AUTS2: variants seen among roughly 807,000 people sequenced by gnomAD.
AUTS2 encodes the protein activator of transcription and developmental regulator AUTS2.
In AUTS2, 17 loss-of-function variants were observed where a neutral mutation model predicts 112.4. The observed-to-expected ratio is 0.15, with a 90% CI of 0.10 to 0.23. AUTS2 has a LOEUF of 0.23. Ranked by LOEUF, AUTS2 falls within the 10% of genes least tolerant of loss-of-function variation. AUTS2 has a pLI of 1.00. For missense variants in AUTS2, 1,510 were observed against 1,701.6 expected (o/e 0.89, Z 1.98); for synonymous variants, 751 against 702.7 (o/e 1.07, Z -1.09).
chr7:70,139,796 C>T (rs1012070749), intron 4 of AUTS2, among the ~76,000 whole-genome samples: 5 of 151,984 alleles, frequency 3.3e-5, no homozygotes, highest in Admixed American at 2.6e-4. Context: ...GTCAGGAGTT[C>T]GAGACCAGCC....
At chr7:70,425,890 A>G (rs1052997056) in intron 4 of AUTS2, among the ~76,000 whole-genome samples, 2 of 152,214 alleles carry the variant, frequency 1.3e-5, no homozygotes, top group Admixed American at 6.5e-5. Context: ...ATTGCTTCCT[A>G]TGTATCAGGC....
chr7:70,109,863 G>A (rs1262844834), intron 2 of AUTS2, among the ~76,000 whole-genome samples: 1 of 152,132 alleles, frequency 6.6e-6, no homozygotes, highest in Non-Finnish European at 1.5e-5. Flanking sequence ...CCATTCAGAT[G>A]GTGAGGGGGC....
Position 70,340,830 on chromosome 7 carries a change from G to A in AUTS2, c.661-94922G>A, listed in dbSNP as rs967123254. Among the ~76,000 whole-genome samples, 11 of 152,334 alleles carry A rather than the reference G, an allele frequency of 7.2e-5. No individual in the cohort carries two copies. The East Asian group carries it at 1.3e-3, about 19-fold the overall frequency. On this transcript the variant is annotated intron_variant, in intron 4 of 18. Coordinates refer to ENST00000342771, the MANE Select transcript of AUTS2 (RefSeq NM_015570.4). The stretch of plus-strand genomic sequence containing the variant: ...ATTTCGCAGCATGCAGGATTTTGGC[G>A]CCTGCCAAGGGGACTGCAAATTCTT...
At position 70,129,901 on chromosome 7, in the gene AUTS2, T is replaced by TATTG. The variant is rs1554319605; in HGVS notation, c.625-4635_625-4634insATTG. On this transcript the variant is annotated intron_variant, in intron 3 of 18. Coordinates refer to ENST00000342771, the MANE Select transcript of AUTS2 (RefSeq NM_015570.4). ...TCTCAATCAAATATATATATATATA[T>TATTG]TGTGTGTGTGTGTGTGTGTGTGTGT... is the stretch of plus-strand genomic sequence containing the variant. Among the ~76,000 whole-genome samples, 293 of 147,390 alleles carry TATTG rather than the reference T, an allele frequency of 2.0e-3. 2 individuals carry two copies. The highest frequency in any genetic ancestry group is 0.011 in the Middle Eastern group (3 of 284).
chr7:70,170,746 T>C (rs1283503899), intron 4 of AUTS2, among the ~76,000 whole-genome samples: 1 of 152,026 alleles, frequency 6.6e-6, no homozygotes, highest in Non-Finnish European at 1.5e-5. Context: ...TAGCTGAGAT[T>C]ACAGGTGCCT....
At chr7:70,641,524 C>G (rs1366196559) in intron 5 of AUTS2, among the ~76,000 whole-genome samples, 2 of 152,266 alleles carry the variant, frequency 1.3e-5, no homozygotes, top group East Asian at 3.9e-4. Flanking sequence ...TGCACTCCAG[C>G]CTGGGCAACA....
At chr7:70,554,303 A>T (rs1801152515) in intron 5 of AUTS2, among the ~76,000 whole-genome samples, 1 of 147,028 alleles carries the variant, frequency 6.8e-6, no homozygotes, top group African/African-American at 2.5e-5. Context: ...TCCTGACCTC[A>T]GGTGATCTGC....
intron 6 of AUTS2, among the ~76,000 whole-genome samples, chr7:70,702,695 G>A (rs1809522871): frequency 6.6e-6 from 1 of 152,074 alleles, no homozygotes; most frequent in Admixed American, 6.6e-5. Context: ...GCTCACCCTC[G>A]TAGGCAGGAC....
At chr7:70,405,191 T>C (rs1456007712) in intron 4 of AUTS2, among the ~76,000 whole-genome samples, 1 of 152,246 alleles carries the variant, frequency 6.6e-6, no homozygotes, top group Non-Finnish European at 1.5e-5. Flanking sequence ...ATTTATGTGC[T>C]AAGACAAGCA....
chr7:69,748,726 A>G (rs1409362886), intron 1 of AUTS2, among the ~76,000 whole-genome samples: 1 of 152,212 alleles, frequency 6.6e-6, no homozygotes, highest in South Asian at 2.1e-4. Context: ...CCTGAGGGCA[A>G]CACTGTATGT....
At chr7:69,894,555 A>G (rs1584405334) in intron 1 of AUTS2, among the ~76,000 whole-genome samples, 2 of 152,122 alleles carry the variant, frequency 1.3e-5, no homozygotes. Flanking sequence ...AAAATAAATG[A>G]TGTGGCTAAA....
intron 6 of AUTS2, among the ~76,000 whole-genome samples, chr7:70,716,298 A>G (rs1414514945): frequency 2.6e-5 from 4 of 152,196 alleles, no homozygotes; most frequent in Non-Finnish European, 4.4e-5. Context: ...CCAGCCCAGC[A>G]TAAAGAGGAT....
At chr7:70,543,127 G>A (rs1355001006) in intron 5 of AUTS2, among the ~76,000 whole-genome samples, 1 of 152,180 alleles carries the variant, frequency 6.6e-6, no homozygotes, top group African/African-American at 2.4e-5. Flanking sequence ...TTCTGAGCAG[G>A]ATGACAGGAT....
At chr7:69,710,793 G>A (rs991435116) in intron 1 of AUTS2, among the ~76,000 whole-genome samples, 1 of 152,174 alleles carries the variant, frequency 6.6e-6, no homozygotes, top group African/African-American at 2.4e-5. Context: ...TGAAAAGAAG[G>A]TGTGGGAGAA....
Position 69,923,053 on chromosome 7 carries a change from G to T in AUTS2, c.522+23555G>T, listed in dbSNP as rs529409841. Among the ~76,000 whole-genome samples, 4 of 152,266 alleles carry T rather than the reference G, an allele frequency of 2.6e-5. No homozygotes were observed. The East Asian group carries it at 7.7e-4, about 29-fold the overall frequency. On this transcript the variant is annotated intron_variant, in intron 2 of 18. Coordinates refer to ENST00000342771, the MANE Select transcript of AUTS2 (RefSeq NM_015570.4). ...ATGCGTTGGTCCATGTTATGTATTT[G>T]CCTGAATCAACCCTAAGACTGGTTG...
chr7:70,409,291 G>A (rs1320304423), intron 4 of AUTS2, among the ~76,000 whole-genome samples: 1 of 152,192 alleles, frequency 6.6e-6, no homozygotes, highest in Non-Finnish European at 1.5e-5. Context: ...CAAGTCAGGA[G>A]TGTGCTGTGT....
At chr7:69,713,472 T>C (rs926870909) in intron 1 of AUTS2, among the ~76,000 whole-genome samples, 4 of 151,418 alleles carry the variant, frequency 2.6e-5, no homozygotes, top group African/African-American at 7.3e-5. Context: ...TTTTTTTTTT[T>C]TTTTTGAGAG....
At chr7:69,957,431 A>G (rs1797260198) in intron 2 of AUTS2, among the ~76,000 whole-genome samples, 1 of 152,060 alleles carries the variant, frequency 6.6e-6, no homozygotes, top group African/African-American at 2.4e-5. Flanking sequence ...TCCTGAATGG[A>G]TGTTGTACCC....
intron 1 of AUTS2, among the ~76,000 whole-genome samples, chr7:69,748,378 A>G (rs1228730208): frequency 6.6e-6 from 1 of 152,202 alleles, no homozygotes; most frequent in Non-Finnish European, 1.5e-5. Context: ...GTCAAATGTA[A>G]TAGCAATTAT....
Sources: allele counts gnomAD v4.1 joint callset (sites outside exome capture counted in the v4.1 genomes callset), GRCh38; gene constraint gnomAD v4.1.1; transcripts MANE v1.5; gene names NCBI Gene and HGNC (gene_info 2026-07-23, HGNC 2026-07-21).